The following SGTB variants were observed in gnomAD, a reference collection of about 807,000 sequenced individuals.
SGTB encodes small glutamine rich tetratricopeptide repeat co-chaperone beta.
SGTB carries 19 observed loss-of-function variants against 43.9 expected under a neutral mutation model. That is an observed-to-expected ratio of 0.43 (90% CI 0.30 to 0.63). SGTB has a LOEUF of 0.63. SGTB is among the 30% of genes least tolerant of loss of function. The pLI is 0.12. For missense variants in SGTB, 304 were observed against 358.9 expected, an observed-to-expected ratio of 0.85 and a Z score of 1.24; for synonymous variants, 116 against 117.3, an observed-to-expected ratio of 0.99 and a Z score of 0.07.
intron 5 of SGTB, among the ~76,000 whole-genome samples, chr5:65,702,348 G>A (rs912959779): frequency 6.6e-6 from 1 of 152,156 alleles, no homozygotes; most frequent in African/African-American, 2.4e-5. Context: ...ACACCATGAT[G>A]TTAAAAAATA....
chr5:65,680,004 T>C (rs897301994), intron 8 of SGTB, among the ~76,000 whole-genome samples: 2 of 152,190 alleles, frequency 1.3e-5, no homozygotes, highest in African/African-American at 4.8e-5. Flanking sequence ...TAAGATTATG[T>C]CCCTCGCAGG....
intron 6 of SGTB, among the ~76,000 whole-genome samples, chr5:65,683,072 G>T (rs1757430173): frequency 6.6e-6 from 1 of 151,624 alleles, no homozygotes; most frequent in South Asian, 2.1e-4. Flanking sequence ...ACTAACTCAT[G>T]CCTGAATGAA....
At chr5:65,671,384 C>G (rs1757150705) in intron 10 of SGTB, among the ~76,000 whole-genome samples, 1 of 152,094 alleles carries the variant, frequency 6.6e-6, no homozygotes, top group Non-Finnish European at 1.5e-5. Flanking sequence ...ACTTAAAAAC[C>G]AAGGACCCTA....
chr5:65,708,107 A>C (rs2150720779), intron 4 of SGTB, among the ~76,000 whole-genome samples: 1 of 152,380 alleles, frequency 6.6e-6, no homozygotes, highest in South Asian at 2.1e-4. Context: ...CTACCTTAAC[A>C]AATTTCAAAG....
At chr5:65,682,473 G>A (rs1757415583) in intron 6 of SGTB, among the ~76,000 whole-genome samples, 1 of 152,220 alleles carries the variant, frequency 6.6e-6, no homozygotes, top group Non-Finnish European at 1.5e-5. Context: ...TATTGCAGTA[G>A]CTTAGGTAAG....
chr5:65,711,131 T>C (rs886709844), intron 3 of SGTB, among the ~76,000 whole-genome samples: 2 of 151,866 alleles, frequency 1.3e-5, no homozygotes, highest in Admixed American at 6.6e-5. Flanking sequence ...CACCACTGCA[T>C]TCCAGCCTGG....
chr5:65,685,141 T>C (rs938284063), intron 6 of SGTB, among the ~76,000 whole-genome samples: 2 of 152,212 alleles, frequency 1.3e-5, no homozygotes, highest in African/African-American at 4.8e-5. Context: ...TGAGTGCTCA[T>C]CTGAGATTTG....
intron 3 of SGTB, among the ~76,000 whole-genome samples, chr5:65,711,375 A>C (rs1467179573): frequency 6.6e-6 from 1 of 152,170 alleles, no homozygotes; most frequent in African/African-American, 2.4e-5. Context: ...AAAAAAAAGT[A>C]GTTCTAATAT....
intron 3 of SGTB, among the ~76,000 whole-genome samples, chr5:65,710,097 A>C (rs1579883492): frequency 6.6e-6 from 1 of 152,312 alleles, no homozygotes; most frequent in East Asian, 1.9e-4. Context: ...CCCAAGCATA[A>C]AATATTGGAA....
chr5:65,705,390 C>G (rs1757910600), intron 4 of SGTB, among the ~76,000 whole-genome samples: 2 of 151,992 alleles, frequency 1.3e-5, no homozygotes, highest in South Asian at 4.2e-4. Flanking sequence ...GAGGTTGAAG[C>G]TGCAGTGAGC....
chr5:65,696,883 T>C (rs1256952281), intron 5 of SGTB, among the ~76,000 whole-genome samples: 1 of 152,256 alleles, frequency 6.6e-6, no homozygotes, highest in Non-Finnish European at 1.5e-5. Context: ...GAGTCATGCT[T>C]AAGAAATGTG....
intron 5 of SGTB, among the ~76,000 whole-genome samples, chr5:65,686,394 C>A (rs548079416): frequency 6.6e-6 from 1 of 152,314 alleles, no homozygotes; most frequent in South Asian, 2.1e-4. Context: ...CCTTCATGTT[C>A]TTCAGTCTAC....
chr5:65,674,374 T>A (rs1757222511), intron 8 of SGTB, among the ~76,000 whole-genome samples: 1 of 152,168 alleles, frequency 6.6e-6, no homozygotes, highest in Admixed American at 6.5e-5. Context: ...AGACACACTC[T>A]CTCACAATTG....
At position 65,672,022 on chromosome 5, in the gene SGTB, A is replaced by G. The variant is rs73763181; in HGVS notation, c.720-24T>C. ...TTCTAGAGTACACAAGAAATACATC[A>G]CTGGGATTGGTATATATTCTTAACA... On this transcript the variant is annotated intron_variant, in intron 9 of 10. Coordinates refer to ENST00000381007, the MANE Select transcript of SGTB (RefSeq NM_019072.3). 3,089 of 1,610,202 alleles carry G rather than the reference A, an allele frequency of 1.9e-3. 43 individuals carry two copies. The African/African-American group carries it at 0.032, about 16-fold the overall frequency.
Position 65,672,105 on chromosome 5 carries a change from G to C in SGTB, c.720-107C>G, listed in dbSNP as rs1052009679. ...AATACCCATGTTATACCAGAGGCTAGGCCAAATGTGTGTGGCTTTAAGCTC... is the reference window on the plus strand; with the variant it reads ...AATACCCATGTTATACCAGAGGCTACGCCAAATGTGTGTGGCTTTAAGCTC... On this transcript the variant is annotated intron_variant, in intron 9 of 10. Coordinates refer to ENST00000381007, the MANE Select transcript of SGTB (RefSeq NM_019072.3). 52 of 1,563,944 alleles carry C rather than the reference G, an allele frequency of 3.3e-5. No homozygotes were observed. In the African/African-American group the frequency reaches 7.1e-4, roughly 21 times the overall value.
At chr5:65,713,880 T>C (rs749893092) in intron 2 of SGTB, among the ~76,000 whole-genome samples, 6 of 151,582 alleles carry the variant, frequency 4.0e-5, no homozygotes, top group African/African-American at 1.5e-4. Flanking sequence ...ATACAAAAAA[T>C]TGGCCAGGCG....
intron 5 of SGTB, among the ~76,000 whole-genome samples, chr5:65,690,901 T>C (rs1757594040): frequency 6.6e-6 from 1 of 152,232 alleles, no homozygotes; most frequent in African/African-American, 2.4e-5. Flanking sequence ...AAATCACTTT[T>C]GAGCACAGTA....
intron 5 of SGTB, among the ~76,000 whole-genome samples, chr5:65,701,009 C>CAAAAAAAAA (rs1161067337): frequency 6.2e-5 from 1 of 16,088 alleles, no homozygotes; most frequent in African/African-American, 1.9e-4. Context: ...GACTCCGTCT[C>CAAAAAAAAA]AAAAAAAAAA....
At chr5:65,707,866 T>C (rs1195300191) in intron 4 of SGTB, among the ~76,000 whole-genome samples, 4 of 151,996 alleles carry the variant, frequency 2.6e-5, no homozygotes, top group Admixed American at 6.5e-5. Flanking sequence ...TTATTGGCTG[T>C]CACTCACTGC....
Sources: allele counts gnomAD v4.1 joint callset (sites outside exome capture counted in the v4.1 genomes callset), GRCh38; gene constraint gnomAD v4.1.1; transcripts MANE v1.5; gene names NCBI Gene and HGNC (gene_info 2026-07-23, HGNC 2026-07-21).